The following HERC6 variants were observed in gnomAD, a reference collection of about 807,000 sequenced individuals.
The protein encoded by HERC6 is probable E3 ubiquitin-protein ligase HERC6.
Under a neutral mutation model 114.5 loss-of-function variants are expected in HERC6, and 101 were observed. The ratio of observed to expected loss-of-function variants is 0.88; its 90% CI spans 0.75 to 1.04. The LOEUF (loss-of-function observed/expected upper bound fraction) is 1.04. HERC6 is among the 50% of genes least tolerant of loss of function. HERC6 has a pLI of 0.00. For synonymous variants in HERC6, 408 were observed against 436.2 expected (o/e 0.94, Z 0.81); for missense variants, 1,133 against 1,230.9 (o/e 0.92, Z 1.19).
At chr4:88,420,986 C>A (rs768871835) in intron 13 of HERC6, among the ~76,000 whole-genome samples, 27 of 152,158 alleles carry the variant, frequency 1.8e-4, no homozygotes, top group Non-Finnish European at 2.9e-4. Flanking sequence ...AATCTACTTT[C>A]TGTCTCTACA....
intron 10 of HERC6, among the ~76,000 whole-genome samples, chr4:88,407,454 G>A (rs1233988076): frequency 2.0e-5 from 3 of 152,052 alleles, no homozygotes; most frequent in African/African-American, 4.8e-5. Flanking sequence ...ACGCTGTAAT[G>A]CAGTAGTTTG....
chr4:88,420,320 G>A (rs1736904186), intron 13 of HERC6, among the ~76,000 whole-genome samples: 1 of 152,094 alleles, frequency 6.6e-6, no homozygotes, highest in Non-Finnish European at 1.5e-5. Flanking sequence ...CTCCTTCAGT[G>A]TTATTGTTAA....
intron 10 of HERC6, among the ~76,000 whole-genome samples, chr4:88,407,902 G>A (rs888461833): frequency 6.6e-6 from 1 of 152,166 alleles, no homozygotes; most frequent in Non-Finnish European, 1.5e-5. Context: ...GCTTAAGGAG[G>A]TCTTTCAATA....
intron 16 of HERC6, among the ~76,000 whole-genome samples, chr4:88,429,112 G>A (rs989710244): frequency 4.6e-5 from 7 of 152,208 alleles, no homozygotes; most frequent in African/African-American, 1.7e-4. Context: ...TTGTGTACAT[G>A]TCTGGGAGTT....
intron 20 of HERC6, among the ~76,000 whole-genome samples, chr4:88,438,315 A>C (rs2149031881): frequency 6.6e-6 from 1 of 152,068 alleles, no homozygotes; most frequent in Middle Eastern, 3.4e-3. Context: ...TCTGTACCAG[A>C]CTCTATTCTA....
chr4:88,379,567 G>C (rs972355269), intron 1 of HERC6, among the ~76,000 whole-genome samples: 3 of 147,796 alleles, frequency 2.0e-5, no homozygotes, highest in Admixed American at 1.4e-4. Context: ...CCTTACAAAC[G>C]TGGTTTGTGG....
chr4:88,442,337 A>C lies in HERC6; in HGVS notation c.2946A>C (p.Ser982=). 1 of 1,613,804 alleles carries C rather than the reference A, an allele frequency of 6.2e-7. No homozygotes were observed. Among genetic ancestry groups the C allele is most frequent in the South Asian group, 1.1e-5 (1 of 91,036 alleles). ...ETFSERDHPT[S]ITCHNILSLP... ...TCAGTGAAAGAGATCACCCAACATC[A>C]ATAACTTGTCATAATATTCTCTCCC... The change falls in exon 23 of 23, where the codon TCA becomes TCC. Residue 982 remains serine (S), a synonymous_variant. Coordinates refer to ENST00000264346, the MANE Select transcript of HERC6 (RefSeq NM_017912.4).
chr4:88,387,664 T>G (rs772196948), intron 3 of HERC6, among the ~76,000 whole-genome samples: 10 of 152,220 alleles, frequency 6.6e-5, no homozygotes, highest in Non-Finnish European at 1.5e-4. Context: ...CATGGGCAAG[T>G]TATTTAACTT....
rs765675637 is a variant in HERC6 at position 88,390,664 on chromosome 4, T to C, written c.449T>C (p.Phe150Ser). 2.4e-5 allele frequency: 39 copies of C among 1,602,176 alleles called. No individual in the cohort carries two copies. The highest frequency in any genetic ancestry group is 6.6e-5 in the South Asian group (6 of 90,850). ...GTCTTTGTTGTAGATAGCCAAGTGT[T>C]TTCGTGGGGAAAGAACAGCCATGGG... is the stretch of plus-strand genomic sequence containing the variant. ...SLALSKDSQV[F>S]SWGKNSHGQL... Residue 150 changes from phenylalanine (F) to serine (S), a missense_variant, in exon 4 of 23, where the codon TTT (phenylalanine) becomes TCT (serine). Phe to Ser is a radical substitution (Grantham distance 155, BLOSUM62 -2). Coordinates refer to ENST00000264346, the MANE Select transcript of HERC6 (RefSeq NM_017912.4).
chr4:88,420,698 A>T (rs1363055311), intron 13 of HERC6, among the ~76,000 whole-genome samples: 1 of 152,166 alleles, frequency 6.6e-6, no homozygotes, highest in Admixed American at 6.6e-5. Context: ...TTGGGAAGCT[A>T]GGGTGGAAAG....
At chr4:88,408,403 A>T (rs939714063) in intron 10 of HERC6, 121 bp from the exon 11 acceptor site, 4 of 687,768 alleles carry the variant, frequency 5.8e-6, no homozygotes, top group Non-Finnish European at 7.8e-6. Context: ...TTTTGAAAGG[A>T]GGTAAGCTTT....
Position 88,437,736 on chromosome 4 carries a change from AC to A in HERC6, c.2511del (p.Leu838Ter). 1 of 1,606,894 alleles carries A rather than the reference AC, an allele frequency of 6.2e-7. No homozygotes were observed. The highest frequency in any genetic ancestry group is 8.5e-7 in the Non-Finnish European group (1 of 1,176,212). The part of the protein sequence containing the change: ...FSIHWDQNDV[D>X]LIPNGISIPV... ...ATACACTGGGACCAAAATGATGTTG[AC>A]TTAATTCCAAATGGGATCTCCATAC... is the stretch of plus-strand genomic sequence containing the variant. On this transcript the variant is annotated frameshift_variant, in exon 20 of 23. Coordinates refer to ENST00000264346, the MANE Select transcript of HERC6 (RefSeq NM_017912.4). LOFTEE classifies it high-confidence loss of function.
intron 9 of HERC6, 38 bp from the exon 10 acceptor site, chr4:88,405,516 T>C: frequency 1.7e-6 from 2 of 1,163,178 alleles, no homozygotes; most frequent in Non-Finnish European, 2.4e-6. Context: ...CATGCTTTAT[T>C]ATATGTTGTG....
chr4:88,411,512 T>C (rs1736102640), intron 11 of HERC6, among the ~76,000 whole-genome samples: 1 of 152,342 alleles, frequency 6.6e-6, no homozygotes, highest in South Asian at 2.1e-4. Context: ...AATTTTAATG[T>C]AATAAAAACA....
At chr4:88,405,193 G>A (rs1735762427) in intron 9 of HERC6, among the ~76,000 whole-genome samples, 196 bp downstream of exon 9, 1 of 152,198 alleles carries the variant, frequency 6.6e-6, no homozygotes, top group Non-Finnish European at 1.5e-5. Flanking sequence ...GATATCCCAG[G>A]TGACTTACTA....
chr4:88,382,746 C>T (rs1734384399), intron 1 of HERC6, among the ~76,000 whole-genome samples: 1 of 152,108 alleles, frequency 6.6e-6, no homozygotes, highest in African/African-American at 2.4e-5. Flanking sequence ...CAGGGGGAAC[C>T]TTTGATAACG....
intron 8 of HERC6, among the ~76,000 whole-genome samples, chr4:88,401,921 T>C (rs1735565403): frequency 6.6e-6 from 1 of 152,204 alleles, no homozygotes; most frequent in Admixed American, 6.5e-5. Flanking sequence ...GTTAGGCTGC[T>C]TCAGTTGGAT....
Position 88,423,885 on chromosome 4 carries a change from C to T in HERC6, c.1739C>T (p.Pro580Leu). The T allele has an allele frequency of 6.4e-7, 1 of 1,555,318 alleles. No individual in the cohort carries two copies. Among genetic ancestry groups the T allele is most frequent in the Admixed American group, 2.1e-5 (1 of 48,590 alleles). ...GTAAACAAAGCTAACTGTCGACTAC[C>T]AGAAAATACTTTCAACATAAATGAA... ...HKVNKANCRL[P>L]ENTFNINELS... Residue 580 changes from proline to leucine, a missense_variant, in exon 14 of 23, where the codon CCA becomes CTA. This residue lies in a region of HERC6 where 735 missense variants were observed against 754.0 expected (regional missense o/e 0.97). Coordinates refer to ENST00000264346, the MANE Select transcript of HERC6 (RefSeq NM_017912.4).
intron 16 of HERC6, 51 bp from the exon 17 acceptor site, chr4:88,431,111 C>T: frequency 6.5e-7 from 1 of 1,533,348 alleles, no homozygotes; most frequent in Non-Finnish European, 8.9e-7. Flanking sequence ...CCATAAAGCT[C>T]AAAACATTGT....
Sources: allele counts gnomAD v4.1 joint callset (sites outside exome capture counted in the v4.1 genomes callset), GRCh38; gene constraint gnomAD v4.1.1; regional missense constraint gnomAD v4.1.1; transcripts MANE v1.5; gene names NCBI Gene and HGNC (gene_info 2026-07-23, HGNC 2026-07-21).